THSD7B: variants seen among roughly 807,000 people sequenced by gnomAD.
The protein encoded by THSD7B is thrombospondin type-1 domain-containing protein 7B.
Under a neutral mutation model 213.6 loss-of-function variants are expected in THSD7B, and 138 were observed. The observed-to-expected ratio is 0.65, with a 90% CI of 0.56 to 0.74. The LOEUF (loss-of-function observed/expected upper bound fraction) is 0.74, where lower values mean the gene tolerates loss of function less well. Among genes scored for constraint, THSD7B ranks in the 30% least tolerant of loss-of-function variants. The probability of loss-of-function intolerance (pLI) is 0.00; values close to 1 mark genes in which losing one functional copy is unlikely to be tolerated. For missense variants in THSD7B, 1,931 were observed against 1,991.5 expected, an observed-to-expected ratio of 0.97 and a Z score of 0.58; for synonymous variants, 742 against 687.0, an observed-to-expected ratio of 1.08 and a Z score of -1.25.
chr2:136,832,317 T>C (rs1682771344), intron 1 of THSD7B, among the ~76,000 whole-genome samples: 1 of 151,970 alleles, frequency 6.6e-6, no homozygotes, highest in Admixed American at 6.6e-5. Context: ...AAGCTGGTGG[T>C]GTAGTTCCAA....
At chr2:137,671,246 TTAAAA>T (rs1173181211) in intron 27 of THSD7B, among the ~76,000 whole-genome samples, 33 of 62,634 alleles carry the variant, frequency 5.3e-4, no homozygotes, top group African/African-American at 9.6e-4. Context: ...TTTTTTTTTT[TTAAAA>T]AAAAAAAAAA....
At chr2:137,572,364 C>G (rs760348922) in intron 16 of THSD7B, 42 bp from the exon 17 acceptor site, 5 of 1,606,878 alleles carry the variant, frequency 3.1e-6, no homozygotes, top group South Asian at 1.1e-5. Flanking sequence ...ATACTCTCCA[C>G]TGTTTTAAAT....
intron 13 of THSD7B, among the ~76,000 whole-genome samples, chr2:137,408,060 T>G (rs950935883): frequency 6.6e-6 from 1 of 152,030 alleles, no homozygotes; most frequent in Non-Finnish European, 1.5e-5. Flanking sequence ...ATCCAAAGGT[T>G]AATGCTGATT....
At chr2:137,352,076 C>A (rs1685026556) in intron 12 of THSD7B, among the ~76,000 whole-genome samples, 1 of 150,636 alleles carries the variant, frequency 6.6e-6, no homozygotes, top group Admixed American at 6.7e-5. Flanking sequence ...CACCTCTGTG[C>A]TAAATAGTTG....
At chr2:137,353,613 T>G (rs1685062701) in intron 12 of THSD7B, among the ~76,000 whole-genome samples, 1 of 152,242 alleles carries the variant, frequency 6.6e-6, no homozygotes, top group Non-Finnish European at 1.5e-5. Flanking sequence ...AATTAGGTTG[T>G]TTGTGTTCAT....
chr2:137,672,486 TG>T (rs1683598836), intron 27 of THSD7B, among the ~76,000 whole-genome samples: 1 of 152,182 alleles, frequency 6.6e-6, no homozygotes. Flanking sequence ...AGAGGATTTT[TG>T]TTTCACAGGT....
intron 5 of THSD7B, among the ~76,000 whole-genome samples, chr2:137,152,212 C>T (rs1369478259): frequency 6.6e-5 from 10 of 152,202 alleles, no homozygotes; most frequent in South Asian, 2.1e-4. Flanking sequence ...CACAAAAATA[C>T]TCATCTAGCT....
intron 10 of THSD7B, among the ~76,000 whole-genome samples, chr2:137,272,028 GT>G (rs1413311516): frequency 2.6e-5 from 4 of 151,876 alleles, no homozygotes; most frequent in Non-Finnish European, 5.9e-5. Flanking sequence ...TGGTTATAAG[GT>G]TATGAGGTTT....
intron 12 of THSD7B, among the ~76,000 whole-genome samples, chr2:137,376,423 G>T (rs1474075333): frequency 6.6e-6 from 1 of 152,158 alleles, no homozygotes. Flanking sequence ...GGTGACTAAA[G>T]CACCATCCAT....
intron 2 of THSD7B, among the ~76,000 whole-genome samples, chr2:136,957,669 C>T (rs1339242182): frequency 2.0e-5 from 3 of 152,006 alleles, no homozygotes; most frequent in Admixed American, 6.6e-5. Context: ...CATTTTAATA[C>T]TTCATGTAGT....
chr2:137,094,804 A>G, intron 3 of THSD7B, 69 bp from the exon 4 acceptor site: 2 of 1,522,484 alleles, frequency 1.3e-6, no homozygotes, highest in Non-Finnish European at 8.8e-7. Context: ...TTCTCATGGT[A>G]GGCACTTTAT....
rs532622085 is a variant in THSD7B at position 137,435,085 on chromosome 2, C to T, written c.2960-15760C>T. ...TTAATACCACCTGTATTCACTCCAG[C>T]CCCTTCCCCTCATATCTAAGACTAT... is the stretch of plus-strand genomic sequence containing the variant. On this transcript the variant is annotated intron_variant, in intron 14 of 27. Transcript: ENST00000409968. Among the ~76,000 whole-genome samples, 25 of 152,248 alleles carry T rather than the reference C, an allele frequency of 1.6e-4. No individual in the cohort carries two copies. In the South Asian group the frequency reaches 5.2e-3, roughly 32 times the overall value.
At chr2:136,874,745 A>T (rs1425353411) in intron 1 of THSD7B, among the ~76,000 whole-genome samples, 1 of 152,146 alleles carries the variant, frequency 6.6e-6, no homozygotes, top group Non-Finnish European at 1.5e-5. Context: ...TATTTCTCTT[A>T]ATATTCATCA....
chr2:137,433,253 G>A (rs1687222427), intron 14 of THSD7B, among the ~76,000 whole-genome samples: 1 of 152,084 alleles, frequency 6.6e-6, no homozygotes, highest in South Asian at 2.1e-4. Context: ...AAAAGTGAAG[G>A]ATAAGTAGTT....
intron 7 of THSD7B, among the ~76,000 whole-genome samples, chr2:137,218,312 T>G (rs1017320554): frequency 6.6e-6 from 1 of 152,154 alleles, no homozygotes; most frequent in African/African-American, 2.4e-5. Context: ...TTGAGGAGAA[T>G]TTGACAATGA....
Position 137,231,078 on chromosome 2 carries a change from C to G in THSD7B, c.1758C>G (p.Pro586=). ...EDVSGSLCPV[P]PPPERKSCEI... ...TATCAGGGAGTCTTTGCCCAGTTCC[C>G]CCTCCTCCTGAGAGGAAGTCTTGTG... is the stretch of plus-strand genomic sequence containing the variant. The change falls in exon 8 of 28, where the codon CCC becomes CCG. Residue 586 remains proline (P), a synonymous_variant. Transcript: ENST00000409968. The G allele has an allele frequency of 6.2e-7, 1 of 1,613,616 alleles. No homozygotes were observed. Among genetic ancestry groups the G allele is most frequent in the Non-Finnish European group, 8.5e-7 (1 of 1,179,748 alleles).
At chr2:137,157,616 C>T (rs755957801) in intron 5 of THSD7B, among the ~76,000 whole-genome samples, 6 of 152,066 alleles carry the variant, frequency 3.9e-5, no homozygotes, top group East Asian at 1.9e-4. Context: ...TGACAAATAC[C>T]GAGGTCATAT....
At chr2:137,064,004 G>A (rs531014792) in intron 3 of THSD7B, among the ~76,000 whole-genome samples, 1 of 152,088 alleles carries the variant, frequency 6.6e-6, no homozygotes, top group East Asian at 1.9e-4. Flanking sequence ...TTTATGTACT[G>A]ATTTCCTTTC....
chr2:137,288,041 C>T (rs12614095), intron 12 of THSD7B, among the ~76,000 whole-genome samples: 15,582 of 152,094 alleles, frequency 0.1, 950 homozygotes, highest in Non-Finnish European at 0.13. Flanking sequence ...AGGGTATTCA[C>T]GTCTGTTTAT....
Sources: gnomAD v4.1 joint callset for allele counts (sites outside exome capture counted in the v4.1 genomes callset) on GRCh38, gnomAD v4.1.1 for gene constraint, MANE v1.5 for transcripts, NCBI Gene and HGNC (gene_info 2026-07-23, HGNC 2026-07-21) for gene names.